The following ANKIB1 variants were observed in gnomAD, a reference collection of about 807,000 sequenced individuals.
ANKIB1 encodes the protein ankyrin repeat and IBR domain containing 1.
A neutral mutation model predicts 122.1 loss-of-function variants in ANKIB1; 43 were observed. The ratio of observed to expected loss-of-function variants is 0.35; its 90% CI spans 0.28 to 0.45. The LOEUF (loss-of-function observed/expected upper bound fraction) is 0.45, where lower values mean the gene tolerates loss of function less well. Among genes scored for constraint, ANKIB1 ranks in the 20% least tolerant of loss-of-function variants. The pLI is 1.00. For missense variants in ANKIB1, 992 were observed against 1,329.5 expected (o/e 0.75, Z 3.95); for synonymous variants, 390 against 442.0 (o/e 0.88, Z 1.48).
chr7:92,262,369 G>GA (rs1157977990), intron 1 of ANKIB1, among the ~76,000 whole-genome samples: 5 of 152,252 alleles, frequency 3.3e-5, no homozygotes, highest in African/African-American at 1.2e-4. Flanking sequence ...CATGACTTAA[G>GA]ATACCCTGTA....
At chr7:92,373,924 G>T (rs1013972221) in intron 11 of ANKIB1, among the ~76,000 whole-genome samples, 1 of 152,008 alleles carries the variant, frequency 6.6e-6, no homozygotes, top group Non-Finnish European at 1.5e-5. Context: ...ATCATGTATA[G>T]TATCTGATTC....
At chr7:92,335,791 CT>C (rs2131966587) in intron 5 of ANKIB1, among the ~76,000 whole-genome samples, 1 of 151,886 alleles carries the variant, frequency 6.6e-6, no homozygotes, top group African/African-American at 2.4e-5. Context: ...GGATTTAGGT[CT>C]TCCATTTCAC....
chr7:92,354,643 A>G (rs1027828985), intron 9 of ANKIB1, among the ~76,000 whole-genome samples: 3 of 152,036 alleles, frequency 2.0e-5, no homozygotes, highest in African/African-American at 7.2e-5. Flanking sequence ...TTTTTTTTGC[A>G]TTGCCTACTT....
rs537787711 is a variant in ANKIB1, at chr7:92,372,233, G to A, written c.1617+626G>A. On this transcript the variant is annotated intron_variant, in intron 11 of 19. Coordinates refer to ENST00000265742, the MANE Select transcript of ANKIB1 (RefSeq NM_019004.2). ...ATACTTAGGGAAAAAAATTGCATCT[G>A]TATCGAACATGTACAGATTTTTTTT... Among the ~76,000 whole-genome samples the A allele has an allele frequency of 2.6e-5, 4 of 152,098 alleles. No homozygotes were observed. In the East Asian group the frequency reaches 7.7e-4, roughly 29 times the overall value.
chr7:92,327,599 CTG>C (rs566436280), intron 4 of ANKIB1, among the ~76,000 whole-genome samples, 182 bp from the exon 5 acceptor site: 177 of 151,908 alleles, frequency 1.2e-3, no homozygotes, highest in African/African-American at 4.0e-3. Context: ...GAAGAAAAGT[CTG>C]TGCATGTTTA....
chr7:92,318,164 T>C (rs1802831760), intron 3 of ANKIB1, among the ~76,000 whole-genome samples: 2 of 152,174 alleles, frequency 1.3e-5, no homozygotes, highest in South Asian at 2.1e-4. Context: ...TTAAAGTGTT[T>C]AGAAAACAAT....
intron 11 of ANKIB1, among the ~76,000 whole-genome samples, chr7:92,384,702 G>A (rs1804594082): frequency 2.6e-5 from 4 of 152,092 alleles, no homozygotes; most frequent in African/African-American, 9.7e-5. Context: ...GCTGAAACTG[G>A]ATCCCTTCCT....
chr7:92,387,442 C>T (rs911265675), intron 12 of ANKIB1, among the ~76,000 whole-genome samples: 2 of 151,972 alleles, frequency 1.3e-5, no homozygotes, highest in Admixed American at 1.3e-4. Flanking sequence ...TCAAGACCAG[C>T]CTGGCCAACA....
chr7:92,285,353 A>G (rs563635366), intron 1 of ANKIB1, among the ~76,000 whole-genome samples: 3 of 152,300 alleles, frequency 2.0e-5, no homozygotes, highest in African/African-American at 7.2e-5. Flanking sequence ...TTCTAGTCCT[A>G]TGATTTTTTA....
chr7:92,292,439 CT>C (rs779644172), intron 1 of ANKIB1, among the ~76,000 whole-genome samples: 2 of 151,790 alleles, frequency 1.3e-5, no homozygotes, highest in African/African-American at 2.4e-5. Context: ...TTAGATATTT[CT>C]TTTTTTTACT....
At chr7:92,398,174 G>A in intron 19 of ANKIB1, 38 bp from the exon 20 acceptor site, 1 of 1,526,346 alleles carries the variant, frequency 6.6e-7, no homozygotes, top group Non-Finnish European at 8.8e-7. Flanking sequence ...GTTTTTTTCA[G>A]TCAAATTTTA....
intron 10 of ANKIB1, among the ~76,000 whole-genome samples, chr7:92,365,797 T>TTTC (rs1804062383): frequency 3.4e-5 from 2 of 58,490 alleles, no homozygotes. Flanking sequence ...TCTTTTTTTT[T>TTTC]TTTTTTTTTT....
At chr7:92,264,028 T>C (rs1801616789) in intron 1 of ANKIB1, among the ~76,000 whole-genome samples, 1 of 152,208 alleles carries the variant, frequency 6.6e-6, no homozygotes, top group Non-Finnish European at 1.5e-5. Context: ...AAAATTTTTT[T>C]CATGTGTTAT....
At chr7:92,358,976 C>G (rs1422001600) in intron 9 of ANKIB1, among the ~76,000 whole-genome samples, 1 of 152,158 alleles carries the variant, frequency 6.6e-6, no homozygotes, top group Non-Finnish European at 1.5e-5. Flanking sequence ...TGTCTGCTAG[C>G]ATGTGCGCCA....
At chr7:92,348,788 G>A (rs1009897635) in intron 7 of ANKIB1, among the ~76,000 whole-genome samples, 6 of 151,888 alleles carry the variant, frequency 4.0e-5, no homozygotes, top group Middle Eastern at 3.4e-3. Context: ...GAATGCCAAG[G>A]GAAAAAAAAA....
At chr7:92,319,238 T>C (rs1401367991) in intron 3 of ANKIB1, 92 bp from the exon 4 acceptor site, 2 of 817,994 alleles carry the variant, frequency 2.4e-6, no homozygotes, top group Non-Finnish European at 3.7e-6. Context: ...TTTTGTTGTG[T>C]TAATTTTATT....
At chr7:92,351,638 A>G (rs749719068) in intron 8 of ANKIB1, among the ~76,000 whole-genome samples, 26 of 151,408 alleles carry the variant, frequency 1.7e-4, no homozygotes, top group Non-Finnish European at 2.8e-4. Flanking sequence ...GTGATTTAAA[A>G]GTTACATTTT....
At chr7:92,335,556 C>T (rs1221102971) in intron 5 of ANKIB1, among the ~76,000 whole-genome samples, 1 of 151,920 alleles carries the variant, frequency 6.6e-6, no homozygotes, top group Non-Finnish European at 1.5e-5. Flanking sequence ...TTTTGAAACT[C>T]TCATATTAGG....
Position 92,376,133 on chromosome 7 carries a change from T to G in ANKIB1, c.1617+4526T>G, listed in dbSNP as rs376251762. ...TGTATAGAGCACAGGCAGAGTAGAT[T>G]TAGCATAGTTCTTAAACACCCTATG... On this transcript the variant is annotated intron_variant, in intron 11 of 19. Coordinates refer to ENST00000265742, the MANE Select transcript of ANKIB1 (RefSeq NM_019004.2). Among the ~76,000 whole-genome samples the G allele has an allele frequency of 2.6e-5, 4 of 152,320 alleles. 1 individual carries two copies.
Sources: allele counts gnomAD v4.1 joint callset (sites outside exome capture counted in the v4.1 genomes callset), GRCh38; gene constraint gnomAD v4.1.1; transcripts MANE v1.5; gene names NCBI Gene and HGNC (gene_info 2026-07-23, HGNC 2026-07-21).